Variants in WDR7 observed in about 807,000 individuals in gnomAD.
WDR7 encodes WD repeat-containing protein 7.
Under a neutral mutation model 169.4 loss-of-function variants are expected in WDR7, and 46 were observed. That is an observed-to-expected ratio of 0.27 (90% confidence interval 0.21 to 0.35). WDR7 has a LOEUF of 0.35. Among genes scored for constraint, WDR7 ranks in the 10% least tolerant of loss-of-function variants. The pLI, the probability that WDR7 is intolerant of heterozygous loss-of-function variation, is 1.00. For missense variants in WDR7, 1,534 were observed against 1,859.3 expected (o/e 0.83, Z 3.22); for synonymous variants, 612 against 666.8 (o/e 0.92, Z 1.27).
At position 56,899,293 on chromosome 18, in the gene WDR7, C is replaced by A. The variant is rs1012682182; in HGVS notation, c.3526+19128C>A. Among the ~76,000 whole-genome samples, 26 of 151,938 alleles carry A rather than the reference C, an allele frequency of 1.7e-4. 1 individual carries two copies. Among genetic ancestry groups the A allele is most frequent in the Admixed American group, 1.7e-3 (26 of 15,236 alleles). The stretch of plus-strand genomic sequence containing the variant: ...GTATATTTTTCACATTCAACTTTAT[C>A]CATGTCCATTAAGCCATGATGCTTC... On this transcript the variant is annotated intron_variant, in intron 21 of 27. Transcript: ENST00000254442.
intron 21 of WDR7, among the ~76,000 whole-genome samples, chr18:56,904,080 T>C (rs111486400): frequency 2.6e-5 from 4 of 151,644 alleles, no homozygotes; most frequent in African/African-American, 9.7e-5. Context: ...AATAATTTTT[T>C]TTTTTTTGAG....
At chr18:56,764,619 T>G (rs2044032806) in intron 16 of WDR7, among the ~76,000 whole-genome samples, 1 of 152,260 alleles carries the variant, frequency 6.6e-6, no homozygotes, top group Admixed American at 6.5e-5. Flanking sequence ...AGTCTCCATG[T>G]TATACAATGT....
downstream of WDR7, chr18:57,031,246 A>G (rs1211215766): frequency 6.6e-6 from 1 of 152,206 alleles, no homozygotes; most frequent in Admixed American, 6.5e-5. Context: ...GAGTTCTTGT[A>G]CCTAGAACTT....
At chr18:56,708,029 C>T (rs1451120527) in intron 12 of WDR7, among the ~76,000 whole-genome samples, 1 of 147,220 alleles carries the variant, frequency 6.8e-6, no homozygotes. Flanking sequence ...AGTGTTTATT[C>T]CTTTTTTTTT....
At position 56,725,932 on chromosome 18, in the gene WDR7, T is replaced by G. The variant is rs1316321826; in HGVS notation, c.1775-5451T>G. Among the ~76,000 whole-genome samples, 3 of 152,316 alleles carry G rather than the reference T, an allele frequency of 2.0e-5. No individual in the cohort carries two copies. The East Asian group carries it at 5.8e-4, about 29-fold the overall frequency. ...AGGGAATCCTTTCCCCATTTCTTGTTTTTGTGAGGTTTGTCAAAGATCAAA... is the reference window on the plus strand; with the variant it reads ...AGGGAATCCTTTCCCCATTTCTTGTGTTTGTGAGGTTTGTCAAAGATCAAA... On this transcript the variant is annotated intron_variant, in intron 13 of 27. Transcript: ENST00000254442.
At chr18:56,910,721 C>G (rs566995818) in intron 21 of WDR7, among the ~76,000 whole-genome samples, 2 of 152,014 alleles carry the variant, frequency 1.3e-5, no homozygotes, top group Non-Finnish European at 2.9e-5. Context: ...TGTTATGCTT[C>G]TTTTTTGTCT....
At chr18:56,724,719 T>C (rs1200962285) in intron 13 of WDR7, among the ~76,000 whole-genome samples, 1 of 152,090 alleles carries the variant, frequency 6.6e-6, no homozygotes. Flanking sequence ...GTTACATATG[T>C]ATACATGTGC....
At chr18:56,810,330 C>T (rs1193666266) in intron 19 of WDR7, among the ~76,000 whole-genome samples, 1 of 152,120 alleles carries the variant, frequency 6.6e-6, no homozygotes, top group Admixed American at 6.6e-5. Flanking sequence ...TCTCCTACCC[C>T]TTTACTGTCT....
intron 8 of WDR7, 112 bp from the exon 9 acceptor site, chr18:56,691,603 C>G (rs2025571766): frequency 1.5e-5 from 14 of 928,408 alleles, no homozygotes; most frequent in Non-Finnish European, 2.1e-5. Flanking sequence ...ATTAAATTAA[C>G]TATAATTTAA....
chr18:57,014,332 C>CAA (rs35192329), intron 26 of WDR7, among the ~76,000 whole-genome samples: 41,872 of 132,748 alleles, frequency 0.32, 7,206 homozygotes, highest in East Asian at 0.76. Context: ...GACTCCATCT[C>CAA]AAAAAAAAAA....
intron 26 of WDR7, among the ~76,000 whole-genome samples, chr18:56,964,844 A>G (rs2047385108): frequency 6.6e-6 from 1 of 152,188 alleles, no homozygotes; most frequent in Admixed American, 6.5e-5. Context: ...GAACGTGAAA[A>G]CAAGGCTAAA....
At chr18:56,863,676 T>C (rs1315670725) in intron 20 of WDR7, among the ~76,000 whole-genome samples, 1 of 151,822 alleles carries the variant, frequency 6.6e-6, no homozygotes, top group Non-Finnish European at 1.5e-5. Flanking sequence ...ACATTATTCT[T>C]AACTTTGGAT....
intron 22 of WDR7, among the ~76,000 whole-genome samples, chr18:56,935,398 A>G (rs1186437723): frequency 6.6e-6 from 1 of 152,226 alleles, no homozygotes; most frequent in African/African-American, 2.4e-5. Context: ...ATACAACCTT[A>G]CAGTCTTTTA....
chr18:56,957,636 A>C (rs550080514), intron 25 of WDR7, among the ~76,000 whole-genome samples: 1 of 152,184 alleles, frequency 6.6e-6, no homozygotes, highest in Non-Finnish European at 1.5e-5. Flanking sequence ...TTGAAAATAC[A>C]TATACAGATA....
chr18:56,793,251 A>G (rs775110508), intron 19 of WDR7, among the ~76,000 whole-genome samples: 4 of 152,180 alleles, frequency 2.6e-5, no homozygotes, highest in African/African-American at 7.2e-5. Context: ...TTGGCCAACT[A>G]TCTGGTTTTA....
intron 2 of WDR7, among the ~76,000 whole-genome samples, chr18:56,679,002 G>A (rs536180384): frequency 5.1e-4 from 78 of 152,310 alleles, no homozygotes; most frequent in Admixed American, 1.8e-3. Context: ...ACCTTCACTA[G>A]TACTGCACTG....
At chr18:57,024,428 G>C (rs540294488) in intron 27 of WDR7, among the ~76,000 whole-genome samples, 1 of 152,168 alleles carries the variant, frequency 6.6e-6, no homozygotes, top group Admixed American at 6.5e-5. Context: ...ATTTGAAGAG[G>C]TCATAGGGAA....
intron 1 of WDR7, 63 bp downstream of exon 1, chr18:56,651,639 G>A (rs1226684891): frequency 6.6e-6 from 1 of 152,348 alleles, no homozygotes; most frequent in Non-Finnish European, 1.5e-5. Context: ...GCACCGTGGA[G>A]GTCAGGGGTC....
intron 20 of WDR7, among the ~76,000 whole-genome samples, chr18:56,853,981 A>T (rs1468491875): frequency 6.6e-6 from 1 of 152,194 alleles, no homozygotes. Flanking sequence ...TACTTTTACA[A>T]ACAATGTTGT....
Sources: gnomAD v4.1 joint callset for allele counts (sites outside exome capture counted in the v4.1 genomes callset) on GRCh38, gnomAD v4.1.1 for gene constraint, MANE v1.5 for transcripts, NCBI Gene and HGNC (gene_info 2026-07-23, HGNC 2026-07-21) for gene names.